Variants in DLC1 observed in about 807,000 individuals in gnomAD.
The protein encoded by DLC1 is DLC1 Rho GTPase activating protein, also known as rho GTPase-activating protein 7.
In DLC1, 54 loss-of-function variants were observed where a neutral mutation model predicts 140.3. The observed-to-expected ratio is 0.38, with a 90% confidence interval of 0.31 to 0.48. The LOEUF (loss-of-function observed/expected upper bound fraction) is 0.48. Among genes scored for constraint, DLC1 ranks in the 20% least tolerant of loss-of-function variants. The pLI, the probability that DLC1 is intolerant of heterozygous loss-of-function variation, is 0.96. For synonymous variants in DLC1, 986 were observed against 728.1 expected (o/e 1.35, Z -5.70); for missense variants, 2,536 against 1,907.0 (o/e 1.33, Z -6.14).
chr8:13,453,533 TATATAC>T (rs1230687600), intron 2 of DLC1, among the ~76,000 whole-genome samples: 5 of 52,960 alleles, frequency 9.4e-5, no homozygotes, highest in African/African-American at 5.3e-4. Flanking sequence ...TATATGTATA[TATATAC>T]ATATATATAT....
chr8:13,104,397 T>C (rs1819380430), intron 7 of DLC1, among the ~76,000 whole-genome samples: 1 of 148,580 alleles, frequency 6.7e-6, no homozygotes, highest in Non-Finnish European at 1.5e-5. Context: ...ATGCAACAGT[T>C]GAAAAAAGAA....
At chr8:13,507,228 G>A (rs143029570) in intron 1 of DLC1, among the ~76,000 whole-genome samples, 2 of 152,320 alleles carry the variant, frequency 1.3e-5, no homozygotes, top group African/African-American at 4.8e-5. Context: ...ACACAGCTCA[G>A]TGATAAATGA....
Position 13,107,752 on chromosome 8 carries a change from G to A in DLC1, c.1502+2990C>T, listed in dbSNP as rs148457082. ...GCTGACAGCTCAGAACTTGTACTAC[G>A]TTTTAAAGAAAGTTGCTGGCTGGTC... On this transcript the variant is annotated intron_variant, in intron 7 of 17. Transcript: ENST00000276297. Among the ~76,000 whole-genome samples the A allele has an allele frequency of 3.3e-3, 506 of 152,250 alleles. 1 individual carries two copies. Among genetic ancestry groups the A allele is most frequent in the Non-Finnish European group, 5.6e-3 (378 of 68,020 alleles).
chr8:13,105,100 A>T (rs1021082720), intron 7 of DLC1, among the ~76,000 whole-genome samples: 1 of 125,804 alleles, frequency 7.9e-6, no homozygotes, highest in East Asian at 2.2e-4. Flanking sequence ...CAAATTTACT[A>T]GCCAGAGGCC....
chr8:13,223,065 G>A (rs1425560694), intron 5 of DLC1, among the ~76,000 whole-genome samples: 1 of 151,976 alleles, frequency 6.6e-6, no homozygotes, highest in Non-Finnish European at 1.5e-5. Context: ...ACCTTTTTTT[G>A]AAATTCTAGT....
intron 5 of DLC1, among the ~76,000 whole-genome samples, chr8:13,182,155 A>G (rs181990369): frequency 7.6e-4 from 116 of 152,200 alleles, no homozygotes; most frequent in African/African-American, 2.7e-3. Flanking sequence ...CTGTCTGTTC[A>G]TATCCTTTGC....
At chr8:13,200,647 C>T (rs1827329301) in intron 5 of DLC1, among the ~76,000 whole-genome samples, 2 of 152,112 alleles carry the variant, frequency 1.3e-5, no homozygotes, top group South Asian at 4.1e-4. Flanking sequence ...CTCTGTTGCC[C>T]AGGCTGGCCT....
chr8:13,446,651 G>A (rs572160220), intron 2 of DLC1, among the ~76,000 whole-genome samples: 1 of 152,048 alleles, frequency 6.6e-6, no homozygotes, highest in South Asian at 2.1e-4. Flanking sequence ...AGAAAAGAAA[G>A]GAAATAAGAA....
intron 5 of DLC1, among the ~76,000 whole-genome samples, chr8:13,161,222 G>A (rs1585806633): frequency 6.6e-6 from 1 of 152,214 alleles, no homozygotes; most frequent in African/African-American, 2.4e-5. Context: ...CTAGATGAAG[G>A]CGTGCAGGAA....
chr8:13,319,575 C>G (rs941679800), intron 4 of DLC1, among the ~76,000 whole-genome samples: 11 of 124,320 alleles, frequency 8.8e-5, no homozygotes, highest in Non-Finnish European at 1.9e-4. Flanking sequence ...TCCCCTCGCC[C>G]TCTTCCTCCA....
chr8:13,596,295 G>A (rs1805677972), intron 1 of DLC1, among the ~76,000 whole-genome samples: 1 of 151,926 alleles, frequency 6.6e-6, no homozygotes, highest in Non-Finnish European at 1.5e-5. Context: ...TAATAGGTTG[G>A]CGAGGTTGGA....
rs545663446 is a variant in DLC1 at position 13,313,975 on chromosome 8, C to CCAT, written c.1315-8676_1315-8674dup. ...GGTCTCCAAACAGAGGAGCAGACTC[C>CCAT]CATTTCTGTACGTCTTGGAGCAGCA... On this transcript the variant is annotated intron_variant, in intron 4 of 17. Coordinates refer to ENST00000276297, the MANE Select transcript of DLC1 (RefSeq NM_182643.3). Among the ~76,000 whole-genome samples, 15 of 152,054 alleles carry CCAT rather than the reference C, an allele frequency of 9.9e-5. No homozygotes were observed. In the South Asian group the frequency reaches 2.1e-3, roughly 21 times the overall value.
At chr8:13,188,826 TG>T (rs1826560961) in intron 5 of DLC1, among the ~76,000 whole-genome samples, 1 of 33,676 alleles carries the variant, frequency 3.0e-5, no homozygotes, top group African/African-American at 9.4e-5. Context: ...TATATATATA[TG>T]TATATATATA....
intron 5 of DLC1, among the ~76,000 whole-genome samples, chr8:13,288,369 T>C (rs1235676857): frequency 6.6e-6 from 1 of 152,248 alleles, no homozygotes; most frequent in Admixed American, 6.5e-5. Context: ...TTGAGGGCTG[T>C]TGGAGTCTGG....
intron 3 of DLC1, among the ~76,000 whole-genome samples, chr8:13,400,474 C>G (rs371947655): frequency 6.6e-6 from 1 of 152,108 alleles, no homozygotes; most frequent in Non-Finnish European, 1.5e-5. Context: ...TGTTATTCCA[C>G]TGTATTATTT....
At chr8:13,207,458 C>T (rs1391483139) in intron 5 of DLC1, among the ~76,000 whole-genome samples, 1 of 152,100 alleles carries the variant, frequency 6.6e-6, no homozygotes, top group Non-Finnish European at 1.5e-5. Flanking sequence ...GGTGTGCCTC[C>T]TTCTTTAGGC....
chr8:13,563,249 C>T (rs973817461), intron 1 of DLC1, among the ~76,000 whole-genome samples: 2 of 152,100 alleles, frequency 1.3e-5, no homozygotes, highest in African/African-American at 4.8e-5. Flanking sequence ...AAAAGGCATT[C>T]TTGAGGCAGT....
At position 13,085,075 on chromosome 8, in the gene DLC1, T is replaced by C. The variant is rs1052325608; in HGVS notation, c.*736A>G. 2 of 152,166 alleles carry C rather than the reference T, an allele frequency of 1.3e-5. No homozygotes were observed. Among genetic ancestry groups the C allele is most frequent in the Middle Eastern group, 3.2e-3 (1 of 316 alleles). 9.4% of individuals were successfully genotyped at this position (152,166 alleles called of 1,614,324 possible). A position where few individuals can be genotyped will look rare whatever the true frequency, so the allele number is the denominator to read the frequency against. On this transcript the variant is annotated 3_prime_UTR_variant, in exon 18 of 18. Coordinates refer to ENST00000276297, the MANE Select transcript of DLC1 (RefSeq NM_182643.3). ...CACTATTTGCAATCGGGTCTAAAAA[T>C]AAACTGCATTTGGAATGGGTGTAAG...
chr8:13,238,164 A>G (rs543048787), intron 5 of DLC1, among the ~76,000 whole-genome samples: 1 of 152,242 alleles, frequency 6.6e-6, no homozygotes, highest in East Asian at 1.9e-4. Context: ...GTATGTTAAC[A>G]TATGTATTTT....
Sources: allele counts gnomAD v4.1 joint callset (sites outside exome capture counted in the v4.1 genomes callset), GRCh38; gene constraint gnomAD v4.1.1; transcripts MANE v1.5; gene names NCBI Gene and HGNC (gene_info 2026-07-23, HGNC 2026-07-21).